The following ADAT2 variants were observed in gnomAD, a reference collection of about 807,000 sequenced individuals.
The protein encoded by ADAT2 is tRNA-specific adenosine-34 deaminase catalytic subunit ADAT2.
ADAT2 carries 26 observed loss-of-function variants against 25.9 expected under a neutral mutation model. That is an observed-to-expected ratio of 1.00 (90% CI 0.74 to 1.39). The LOEUF is 1.39. Ranked by LOEUF, ADAT2 falls within the 40% of genes most tolerant of loss-of-function variation. The pLI, the probability that ADAT2 is intolerant of heterozygous loss-of-function variation, is 0.00. For synonymous variants in ADAT2, 76 were observed against 86.8 expected (o/e 0.88, Z 0.69); for missense variants, 220 against 244.8 (o/e 0.90, Z 0.68).
At chr6:143,450,355 T>C (rs1297884699) in intron 1 of ADAT2, among the ~76,000 whole-genome samples, 2 of 152,092 alleles carry the variant, frequency 1.3e-5, no homozygotes, top group Non-Finnish European at 2.9e-5. Flanking sequence ...ACAAATAATT[T>C]GTGTATTTCC....
rs1252620400 is a variant in ADAT2 at position 143,423,176 on chromosome 6, GC to G, written c.*5286del. ...AAGGGCCAGACGCTAAATATTTTAG[GC>G]CTTTGTGAGTCGCATGGTTTGTCAC... On this transcript the variant is annotated 3_prime_UTR_variant, in exon 6 of 6. Coordinates refer to ENST00000237283, the MANE Select transcript of ADAT2 (RefSeq NM_182503.3). 6.6e-6 allele frequency: 1 copy of G among 152,138 alleles called. No homozygotes were observed. Among genetic ancestry groups the G allele is most frequent in the East Asian group, 1.9e-4 (1 of 5,196 alleles). 9.4% of individuals were successfully genotyped at this position (152,138 alleles called of 1,614,324 possible). A position where few individuals can be genotyped will look rare whatever the true frequency, so the allele number is the denominator to read the frequency against.
chr6:143,432,028 A>G lies in ADAT2; in HGVS notation c.459+477T>C, dbSNP rs1779130376. On this transcript the variant is annotated intron_variant, in intron 4 of 5. Transcript: ENST00000237283. The surrounding 1 kb of genome is among the most constrained non-coding windows in gnomAD (Gnocchi z 4.4). The stretch of plus-strand genomic sequence containing the variant: ...AAAGACACACAAAAAAAGACATGAA[A>G]ATACAGTGATTGCTAGATACTAAAA... Among the ~76,000 whole-genome samples the G allele has an allele frequency of 6.6e-6, 1 of 152,214 alleles. No homozygotes were observed. Among genetic ancestry groups the G allele is most frequent in the South Asian group, 2.1e-4 (1 of 4,834 alleles).
rs759282153 is a variant in ADAT2 at position 143,428,069 on chromosome 6, GAGA to G, written c.*391_*393del. ...ATCTGATTCTGAAATGCCAGTCCTGGAGAAGGTGTTCTCAGGGTGGCAAACTGC... is the reference window on the plus strand; with the variant it reads ...ATCTGATTCTGAAATGCCAGTCCTGGAGGTGTTCTCAGGGTGGCAAACTGC... On this transcript the variant is annotated 3_prime_UTR_variant, in exon 6 of 6. Transcript: ENST00000237283. This position sits in a 1 kb window ranked among gnomAD's most constrained non-coding sequence, Gnocchi z 5.0. 17 of 186,488 alleles carry G rather than the reference GAGA, an allele frequency of 9.1e-5. No individual in the cohort carries two copies. Among genetic ancestry groups the G allele is most frequent in the Non-Finnish European group, 1.4e-4 (12 of 88,760 alleles). The allele number at this position is 186,488 out of a possible 1,614,324, so 11.6% of individuals were successfully genotyped here. A position where few individuals can be genotyped will look rare whatever the true frequency, so the allele number is the denominator to read the frequency against.
intron 1 of ADAT2, chr6:143,449,662 T>G (rs1279458733): frequency 1.3e-5 from 2 of 152,226 alleles, no homozygotes; most frequent in African/African-American, 4.8e-5. Context: ...AAGATTATAA[T>G]GGAGCTGAAA....
intron 1 of ADAT2, among the ~76,000 whole-genome samples, chr6:143,439,834 T>A (rs1376490427): frequency 6.6e-6 from 1 of 152,090 alleles, no homozygotes; most frequent in Non-Finnish European, 1.5e-5. Flanking sequence ...TCACTGTATA[T>A]AAAGTATACC....
rs568319290 is a variant in ADAT2 at position 143,442,127 on chromosome 6, T to C, written c.97-3433A>G. On this transcript the variant is annotated intron_variant, in intron 1 of 5. Transcript: ENST00000237283. The surrounding 1 kb of genome is among the most constrained non-coding windows in gnomAD (Gnocchi z 4.6). Reference sequence around the variant, plus strand: ...GCACAAATATTCATAACAGCTTTATTTGTAATAGCCAAAAACTGGAAACAA... The same window carrying C: ...GCACAAATATTCATAACAGCTTTATCTGTAATAGCCAAAAACTGGAAACAA... 249 of 152,324 alleles carry C rather than the reference T, an allele frequency of 1.6e-3. No individual in the cohort carries two copies. Among genetic ancestry groups the C allele is most frequent in the African/African-American group, 5.6e-3 (233 of 41,574 alleles). 9.4% of individuals were successfully genotyped at this position (152,324 alleles called of 1,614,324 possible).
chr6:143,432,804 T>C lies in ADAT2; in HGVS notation c.353-193A>G, dbSNP rs147100826. Among the ~76,000 whole-genome samples the C allele has an allele frequency of 3.9e-5, 6 of 152,264 alleles. No individual in the cohort carries two copies. Among genetic ancestry groups the C allele is most frequent in the Admixed American group, 2.6e-4 (4 of 15,304 alleles). ...GAAAAGGGGTTAAAGTATTGAGAAA[T>C]TGACATTTAACAACTGCAAACAGAA... On this transcript the variant is annotated intron_variant, in intron 3 of 5. Transcript: ENST00000237283. The surrounding 1 kb of genome is among the most constrained non-coding windows in gnomAD (Gnocchi z 4.4).
rs1036126632 is a variant in ADAT2 at position 143,446,284 on chromosome 6, T to C, written c.96+4279A>G. Among the ~76,000 whole-genome samples, 7 of 152,272 alleles carry C rather than the reference T, an allele frequency of 4.6e-5. No individual in the cohort carries two copies. Among genetic ancestry groups the C allele is most frequent in the Admixed American group, 3.3e-4 (5 of 15,300 alleles). On this transcript the variant is annotated intron_variant, in intron 1 of 5. Coordinates refer to ENST00000237283, the MANE Select transcript of ADAT2 (RefSeq NM_182503.3). The surrounding 1 kb of genome is among the most constrained non-coding windows in gnomAD (Gnocchi z 5.0). ...ATGTATTGTTAACCTTTCCCTATAT[T>C]GGGTAATATTTTTTCATCACATGAT...
Position 143,423,455 on chromosome 6 carries a change from T to C in ADAT2, c.*5008A>G, listed in dbSNP as rs1386733155. On this transcript the variant is annotated 3_prime_UTR_variant, in exon 6 of 6. Coordinates refer to ENST00000237283, the MANE Select transcript of ADAT2 (RefSeq NM_182503.3). ...GATATGGCCCATGGGCCATACTTTG[T>C]GGACTCCTGCTCTAGATTCTCAAGT... 1.3e-5 allele frequency: 2 copies of C among 152,244 alleles called. No homozygotes were observed. The highest frequency in any genetic ancestry group is 4.8e-5 in the African/African-American group (2 of 41,466). The allele number at this position is 152,244 out of a possible 1,614,324, so 9.4% of individuals were successfully genotyped here. A position where few individuals can be genotyped will look rare whatever the true frequency, so the allele number is the denominator to read the frequency against.
rs1367729337 is a variant in ADAT2, at chr6:143,437,846, G to A, written c.201+744C>T. ...ATAAGTGATCTTTGAGTCCACCTAG[G>A]AATTTTTGTAATCATAAAATTTGGT... On this transcript the variant is annotated intron_variant, in intron 2 of 5. Coordinates refer to ENST00000237283, the MANE Select transcript of ADAT2 (RefSeq NM_182503.3). This position sits in a 1 kb window ranked among gnomAD's most constrained non-coding sequence, Gnocchi z 4.1. Among the ~76,000 whole-genome samples, 4 of 152,156 alleles carry A rather than the reference G, an allele frequency of 2.6e-5. No homozygotes were observed. The highest frequency in any genetic ancestry group is 4.4e-5 in the Non-Finnish European group (3 of 67,978).
At chr6:143,430,847 G>A (rs1779092447) in intron 4 of ADAT2, among the ~76,000 whole-genome samples, 1 of 152,170 alleles carries the variant, frequency 6.6e-6, no homozygotes, top group Non-Finnish European at 1.5e-5. Context: ...TTACAGGCAT[G>A]AGCCACTGCA....
In ADAT2 at chr6:143,436,318, A is replaced by C. The variant is rs1389884060; in HGVS notation, c.201+2272T>G. On this transcript the variant is annotated intron_variant, in intron 2 of 5. Coordinates refer to ENST00000237283, the MANE Select transcript of ADAT2 (RefSeq NM_182503.3). This position sits in a 1 kb window ranked among gnomAD's most constrained non-coding sequence, Gnocchi z 4.1. ...TGGCCTCTATCTAACAGAGGCTGCC[A>C]TTTTCAGGGGCTGGATGTCCATGAG... 1 of 238,358 alleles carries C rather than the reference A, an allele frequency of 4.2e-6. No individual in the cohort carries two copies. The highest frequency in any genetic ancestry group is 2.3e-5 in the African/African-American group (1 of 43,610). The allele number at this position is 238,358 out of a possible 1,614,324, so 14.8% of individuals were successfully genotyped here.
chr6:143,430,570 ATTT>A (rs377184279), intron 4 of ADAT2, among the ~76,000 whole-genome samples: 1 of 150,210 alleles, frequency 6.7e-6, no homozygotes, highest in African/African-American at 2.4e-5. Flanking sequence ...ATTCATAATA[ATTT>A]TTTTTTTTGA....
rs542172610 is a variant in ADAT2, at chr6:143,436,487, C to T, written c.201+2103G>A. On this transcript the variant is annotated intron_variant, in intron 2 of 5. Transcript: ENST00000237283. The surrounding 1 kb of genome is among the most constrained non-coding windows in gnomAD (Gnocchi z 4.1). ...TCCACCACTTTCATCAGTAACAACACGGCCATCCAGGAGCTGCTCAGAGAC... is the reference window on the plus strand; with the variant it reads ...TCCACCACTTTCATCAGTAACAACATGGCCATCCAGGAGCTGCTCAGAGAC... The T allele has an allele frequency of 1.0e-5, 3 of 291,232 alleles. No individual in the cohort carries two copies. Among genetic ancestry groups the T allele is most frequent in the Admixed American group, 3.2e-5 (1 of 30,844 alleles). The allele number at this position is 291,232 out of a possible 1,614,324, so 18.0% of individuals were successfully genotyped here.
rs1778873665 is a variant in ADAT2, at chr6:143,424,501, T to A, written c.*3962A>T. 6.6e-6 allele frequency: 1 copy of A among 152,254 alleles called. No individual in the cohort carries two copies. Among genetic ancestry groups the A allele is most frequent in the Admixed American group, 6.5e-5 (1 of 15,278 alleles). The allele number at this position is 152,254 out of a possible 1,614,324, so 9.4% of individuals were successfully genotyped here. A position where few individuals can be genotyped will look rare whatever the true frequency, so the allele number is the denominator to read the frequency against. ...CTCTATGGAAACCCAAGATAACTCA[T>A]ATTTTATGACCAAATGACAACCTAC... On this transcript the variant is annotated 3_prime_UTR_variant, in exon 6 of 6. Transcript: ENST00000237283. The surrounding 1 kb of genome is among the most constrained non-coding windows in gnomAD (Gnocchi z 4.8).
chr6:143,429,447 C>CTTATTTATTATTATTAT (rs1779045384), intron 4 of ADAT2, among the ~76,000 whole-genome samples: 1 of 143,180 alleles, frequency 7.0e-6, no homozygotes, highest in Non-Finnish European at 1.6e-5. Flanking sequence ...AGAAATTGTG[C>CTTATTTATTATTATTAT]TAACAGTAAG....
At chr6:143,448,229 C>T (rs1779652638) in intron 1 of ADAT2, among the ~76,000 whole-genome samples, 2 of 151,560 alleles carry the variant, frequency 1.3e-5, no homozygotes, top group African/African-American at 4.9e-5. Flanking sequence ...GGGTGGGGAA[C>T]ATCACACACC....
chr6:143,439,134 A>G (rs7761741), intron 1 of ADAT2, among the ~76,000 whole-genome samples: 42,780 of 151,940 alleles, frequency 0.28, 6,271 homozygotes, highest in Admixed American at 0.32. Flanking sequence ...ATTATCCTCT[A>G]GAGTCCCAAT....
In ADAT2 at chr6:143,432,506, T is replaced by C. The variant is rs945698429; in HGVS notation, c.458A>G (p.Gln153Arg). The change falls in exon 4 of 6, where the codon CAG becomes CGG. Residue 153 changes from glutamine to arginine, a missense_variant and splice_region_variant. By Grantham distance (43) the Gln-to-Arg change is conservative. Coordinates refer to ENST00000237283, the MANE Select transcript of ADAT2 (RefSeq NM_182503.3). This position sits in a 1 kb window ranked among gnomAD's most constrained non-coding sequence, Gnocchi z 4.4. ...ADLPNTGRPFQCIPGYRAEEA... is the reference protein window; with the variant it reads ...ADLPNTGRPFRCIPGYRAEEA... ...AAAAGCATAAGCAGTTTGTATTACC[T>C]GAAATGGTCTCCCAGTGTTTGGTAG... 3 of 1,613,398 alleles carry C rather than the reference T, an allele frequency of 1.9e-6. No individual in the cohort carries two copies.
Sources: gnomAD v4.1 joint callset for allele counts (sites outside exome capture counted in the v4.1 genomes callset) on GRCh38, gnomAD v4.1.1 for gene constraint, Gnocchi (gnomAD v3.1) non-coding constraint, MANE v1.5 for transcripts, NCBI Gene and HGNC (gene_info 2026-07-23, HGNC 2026-07-21) for gene names.